ZFPM2: variants seen among roughly 807,000 people sequenced by gnomAD.
ZFPM2 encodes zinc finger protein ZFPM2.
A neutral mutation model predicts 98.6 loss-of-function variants in ZFPM2; 20 were observed. That is an observed-to-expected ratio of 0.20 (90% CI 0.14 to 0.29). ZFPM2 has a LOEUF of 0.29. Ranked by LOEUF, ZFPM2 falls within the 10% of genes least tolerant of loss-of-function variation. ZFPM2 has a pLI of 1.00. For synonymous variants in ZFPM2, 518 were observed against 502.7 expected, an observed-to-expected ratio of 1.03 and a Z score of -0.41; for missense variants, 1,310 against 1,388.6, an observed-to-expected ratio of 0.94 and a Z score of 0.90.
chr8:105,565,983 C>T (rs1022603486), intron 4 of ZFPM2, among the ~76,000 whole-genome samples: 7 of 152,074 alleles, frequency 4.6e-5, no homozygotes, highest in African/African-American at 1.4e-4. Flanking sequence ...AGATGAGATA[C>T]CCGGGAGAGC....
rs372484509 is a variant in ZFPM2, at chr8:105,519,688, G to A, written c.302-41675G>A. 9.2e-5 allele frequency among the ~76,000 whole-genome samples: 14 copies of A among 152,106 alleles called. No individual in the cohort carries two copies. In the East Asian group the frequency reaches 9.7e-4, roughly 11 times the overall value. ...AAAATGGAATTCAGAACTCACATAC[G>A]TATTATAATAAGGGAAACAGTTCTC... is the stretch of plus-strand genomic sequence containing the variant. On this transcript the variant is annotated intron_variant, in intron 3 of 7. Coordinates refer to ENST00000407775, the MANE Select transcript of ZFPM2 (RefSeq NM_012082.4).
At position 105,513,902 on chromosome 8, in the gene ZFPM2, C is replaced by T. The variant is rs923826105; in HGVS notation, c.302-47461C>T. Among the ~76,000 whole-genome samples the T allele has an allele frequency of 2.0e-5, 3 of 152,106 alleles. No homozygotes were observed. The South Asian group carries it at 6.2e-4, about 31-fold the overall frequency. ...AGTAATCTTGCTGTAATCACTCACT[C>T]TCATTCTGCAGAGTGCATAAGCTGC... On this transcript the variant is annotated intron_variant, in intron 3 of 7. Coordinates refer to ENST00000407775, the MANE Select transcript of ZFPM2 (RefSeq NM_012082.4).
chr8:105,535,179 AGATT>A (rs1563705617), intron 3 of ZFPM2, among the ~76,000 whole-genome samples: 1 of 152,178 alleles, frequency 6.6e-6, no homozygotes. Flanking sequence ...GTTACGATCC[AGATT>A]TCCATAGAAG....
intron 1 of ZFPM2, among the ~76,000 whole-genome samples, chr8:105,340,858 A>G (rs10096472): frequency 0.044 from 6,677 of 152,022 alleles, 489 homozygotes; most frequent in African/African-American, 0.15. Flanking sequence ...TATACGAAGA[A>G]AATAAAATAG....
Position 105,380,613 on chromosome 8 carries a change from AT to A in ZFPM2, c.41-38530del, listed in dbSNP as rs1810830532. On this transcript the variant is annotated intron_variant, in intron 1 of 7. Transcript: ENST00000407775. Reference sequence around the variant, plus strand: ...CGGTATATATATATTATATATATATATATTATATATAACATATATATTATAT... The same window carrying A: ...CGGTATATATATATTATATATATATAATTATATATAACATATATATTATAT... Among the ~76,000 whole-genome samples, 4 of 69,076 alleles carry A rather than the reference AT, an allele frequency of 5.8e-5. 1 individual carries two copies. The highest frequency in any genetic ancestry group is 2.5e-4 in the African/African-American group (4 of 16,084). 45.3% of individuals were successfully genotyped at this position (69,076 alleles called of 152,430 possible). A position where few individuals can be genotyped will look rare whatever the true frequency, so the allele number is the denominator to read the frequency against.
intron 5 of ZFPM2, among the ~76,000 whole-genome samples, chr8:105,636,550 A>G (rs377283277): frequency 1.3e-5 from 2 of 152,282 alleles, no homozygotes; most frequent in East Asian, 3.9e-4. Context: ...AGTAAGTAAA[A>G]AAGTTTAGCT....
intron 1 of ZFPM2, among the ~76,000 whole-genome samples, chr8:105,396,968 G>T (rs1030810211): frequency 6.6e-6 from 1 of 152,168 alleles, no homozygotes; most frequent in African/African-American, 2.4e-5. Flanking sequence ...CTGATTACAT[G>T]TAAATGTTGG....
rs78072552 is a variant in ZFPM2 at position 105,433,056 on chromosome 8, T to C, written c.200-11224T>C. Among the ~76,000 whole-genome samples, 40 of 152,196 alleles carry C rather than the reference T, an allele frequency of 2.6e-4. No individual in the cohort carries two copies. The East Asian group carries it at 3.9e-3, about 15-fold the overall frequency. Reference sequence around the variant, plus strand: ...TCAAGGTTACAGTGAACTGATTGCATTGTTGCACTCCAGCTTTGGCAAGAC... The same window carrying C: ...TCAAGGTTACAGTGAACTGATTGCACTGTTGCACTCCAGCTTTGGCAAGAC... On this transcript the variant is annotated intron_variant, in intron 2 of 7. Transcript: ENST00000407775.
chr8:105,558,817 T>C (rs1437882741), intron 3 of ZFPM2, among the ~76,000 whole-genome samples: 1 of 152,172 alleles, frequency 6.6e-6, no homozygotes, highest in Non-Finnish European at 1.5e-5. Context: ...TATTTTTATG[T>C]AGAAAAGAAG....
At chr8:105,417,582 T>C (rs565219074) in intron 1 of ZFPM2, among the ~76,000 whole-genome samples, 76 of 152,292 alleles carry the variant, frequency 5.0e-4, no homozygotes, top group African/African-American at 1.8e-3. Flanking sequence ...ATCAAATAAA[T>C]GGTTTAAGGA....
Position 105,634,367 on chromosome 8 carries a change from A to G in ZFPM2, c.532+10A>G. 1 of 1,598,988 alleles carries G rather than the reference A, an allele frequency of 6.3e-7. No homozygotes were observed. Among genetic ancestry groups the G allele is most frequent in the Non-Finnish European group, 8.5e-7 (1 of 1,169,978 alleles). ...ATTGTGTACAGCAAAGGTAAATGCA[A>G]GATTGTTTCCCTCTCTCTTTGGAAG... On this transcript the variant is annotated intron_variant, in intron 5 of 7. Transcript: ENST00000407775.
intron 5 of ZFPM2, among the ~76,000 whole-genome samples, chr8:105,640,263 T>C (rs1425906439): frequency 3.3e-5 from 5 of 152,012 alleles, no homozygotes; most frequent in Admixed American, 3.3e-4. Flanking sequence ...TTACAGGTTA[T>C]TGCCTTTCTT....
At chr8:105,382,054 CA>C (rs1810899968) in intron 1 of ZFPM2, among the ~76,000 whole-genome samples, 1 of 151,946 alleles carries the variant, frequency 6.6e-6, no homozygotes, top group African/African-American at 2.4e-5. Flanking sequence ...TTTATTTGTC[CA>C]AAACACCTGC....
In ZFPM2 at chr8:105,479,029, TA is replaced by T. The variant is rs1478750531; in HGVS notation, c.301+34649del. Among the ~76,000 whole-genome samples, 14 of 152,298 alleles carry T rather than the reference TA, an allele frequency of 9.2e-5. 1 individual carries two copies. Among genetic ancestry groups the T allele is most frequent in the East Asian group, 1.9e-4 (1 of 5,182 alleles). On this transcript the variant is annotated intron_variant, in intron 3 of 7. Transcript: ENST00000407775. ...AATGTATAGTCTAGAAAAATGGAAA[TA>T]TTTTTTTACAGAAAGTATAACTTTC...
chr8:105,508,944 AAG>A (rs1401456706), intron 3 of ZFPM2, among the ~76,000 whole-genome samples: 1 of 152,022 alleles, frequency 6.6e-6, no homozygotes, highest in Non-Finnish European at 1.5e-5. Flanking sequence ...CCCAGCAGAA[AAG>A]AGTTTGTGAA....
At chr8:105,672,755 G>A (rs1483877930) in intron 5 of ZFPM2, among the ~76,000 whole-genome samples, 1 of 152,048 alleles carries the variant, frequency 6.6e-6, no homozygotes, top group Non-Finnish European at 1.5e-5. Context: ...TAAAAATTAG[G>A]GACATGTACC....
intron 5 of ZFPM2, among the ~76,000 whole-genome samples, chr8:105,710,956 T>A (rs934188181): frequency 6.6e-6 from 1 of 152,104 alleles, no homozygotes; most frequent in African/African-American, 2.4e-5. Context: ...GTGATGTTGC[T>A]TCATTCTCTC....
chr8:105,418,040 ACTTATT>A (rs1811712432), intron 1 of ZFPM2, among the ~76,000 whole-genome samples: 1 of 152,092 alleles, frequency 6.6e-6, no homozygotes, highest in African/African-American at 2.4e-5. Context: ...TAGATACGAT[ACTTATT>A]CTTATTTATC....
chr8:105,430,430 T>G (rs1811997217), intron 2 of ZFPM2, among the ~76,000 whole-genome samples: 2 of 152,192 alleles, frequency 1.3e-5, no homozygotes, highest in Admixed American at 1.3e-4. Flanking sequence ...TGTGTTTATA[T>G]TAGATACCTG....
Sources: allele counts gnomAD v4.1 joint callset (sites outside exome capture counted in the v4.1 genomes callset), GRCh38; gene constraint gnomAD v4.1.1; transcripts MANE v1.5; gene names NCBI Gene and HGNC (gene_info 2026-07-23, HGNC 2026-07-21).